Variants in CXCL3 observed in about 807,000 individuals in gnomAD.
CXCL3 encodes the protein C-X-C motif chemokine ligand 3.
In CXCL3, 10 loss-of-function variants were observed where a neutral mutation model predicts 11.5. The ratio of observed to expected loss-of-function variants is 0.87; its 90% CI spans 0.54 to 1.48. CXCL3 has a LOEUF of 1.48. Among genes scored for constraint, CXCL3 ranks in the 40% most tolerant of loss-of-function variants. CXCL3 has a pLI of 0.00. For synonymous variants in CXCL3, 61 were observed against 60.9 expected, an observed-to-expected ratio of 1.00 and a Z score of -0.01; for missense variants, 149 against 139.1, an observed-to-expected ratio of 1.07 and a Z score of -0.36.
At chr4:74,037,554 G>A in intron 3 of CXCL3, 1 of 460,036 alleles carries the variant, frequency 2.2e-6, no homozygotes, top group Non-Finnish European at 3.9e-6. Context: ...GGTTAGAAAT[G>A]TCCATTCATG....
At chr4:74,037,433 T>G (rs537697964) in intron 3 of CXCL3, 156 bp from the exon 4 acceptor site, 2 of 580,072 alleles carry the variant, frequency 3.4e-6, no homozygotes, top group East Asian at 3.2e-5. Flanking sequence ...AGCAGAAAAC[T>G]TGCACTCCTG....
intron 3 of CXCL3, chr4:74,037,820 A>G (rs937132739): frequency 9.9e-6 from 4 of 405,740 alleles, no homozygotes; most frequent in Non-Finnish European, 1.8e-5. Context: ...GCATTTTGGC[A>G]TTGTTAGTCA....
intron 3 of CXCL3, 174 bp downstream of exon 3, chr4:74,037,918 TG>T: frequency 1.5e-6 from 1 of 675,968 alleles, no homozygotes; most frequent in Non-Finnish European, 2.5e-6. Context: ...AAATATCCTC[TG>T]GCACCAGAGC....
intron 2 of CXCL3, 49 bp from the exon 3 acceptor site, chr4:74,038,225 G>A (rs1720039160): frequency 6.2e-7 from 1 of 1,614,036 alleles, no homozygotes. Context: ...GCTGGGGACA[G>A]GGTTGGGGCA....
intron 3 of CXCL3, 68 bp downstream of exon 3, chr4:74,038,025 A>G: frequency 2.0e-6 from 3 of 1,492,456 alleles, no homozygotes; most frequent in Admixed American, 1.9e-5. Context: ...TTTTATTTTT[A>G]GGGGGCAGAT....
In CXCL3 at chr4:74,037,286, A is replaced by C; in HGVS notation, c.309-9T>G. The C allele has an allele frequency of 6.2e-7, 1 of 1,613,996 alleles. No individual in the cohort carries two copies. The highest frequency in any genetic ancestry group is 8.5e-7 in the Non-Finnish European group (1 of 1,179,944). The stretch of plus-strand genomic sequence containing the variant: ...GTCAGTTGGTGCTCCCCCTGTGATG[A>C]GAAAAGGGTTACTGTTGCAGGTGCT... On this transcript the variant is annotated splice_polypyrimidine_tract_variant and intron_variant, in intron 3 of 3. Coordinates refer to ENST00000296026, the MANE Select transcript of CXCL3 (RefSeq NM_002090.3).
Position 74,038,087 on chromosome 4 carries a change from A to G in CXCL3, c.308+6T>C. 6.2e-7 allele frequency: 1 copy of G among 1,613,834 alleles called. No homozygotes were observed. Among genetic ancestry groups the G allele is most frequent in the Non-Finnish European group, 8.5e-7 (1 of 1,179,866 alleles). On this transcript the variant is annotated splice_donor_region_variant and intron_variant, in intron 3 of 3. Coordinates refer to ENST00000296026, the MANE Select transcript of CXCL3 (RefSeq NM_002090.3). The stretch of plus-strand genomic sequence containing the variant: ...GTCGCCTGTGTATATGGAAATTACA[A>G]CTCACTTGTTCAGTATCTTTTCGAT...
rs768409602 is a variant in CXCL3, at chr4:74,038,304, G to C, written c.210C>G (p.Ala70=). 1.2e-6 allele frequency: 2 copies of C among 1,614,016 alleles called. No homozygotes were observed. Among genetic ancestry groups the C allele is most frequent in the Non-Finnish European group, 1.7e-6 (2 of 1,179,976 alleles). ...GCGGGACTTACATGACTTCGGTTTGGGCGCAGTGGGGTCCGGGGGACCTTA... is the reference window on the plus strand; with the variant it reads ...GCGGGACTTACATGACTTCGGTTTGCGCGCAGTGGGGTCCGGGGGACCTTA... The part of the protein sequence containing the change: ...VNVRSPGPHC[A]QTEVIATLKN... The change falls in exon 2 of 4, where the codon GCC becomes GCG. Residue 70 remains alanine (A), a synonymous_variant. Transcript: ENST00000296026.
In CXCL3 at chr4:74,037,044, C is replaced by A; in HGVS notation, c.*218G>T. 1 of 506,620 alleles carries A rather than the reference C, an allele frequency of 2.0e-6. No individual in the cohort carries two copies. The highest frequency in any genetic ancestry group is 3.5e-6 in the Non-Finnish European group (1 of 283,006). 31.4% of individuals were successfully genotyped at this position (506,620 alleles called of 1,614,324 possible). A position where few individuals can be genotyped will look rare whatever the true frequency, so the allele number is the denominator to read the frequency against. ...TATGTTTGATGAAACACACTCACAT[C>A]TTTAAATAACAGCATGTAAAATATT... On this transcript the variant is annotated 3_prime_UTR_variant, in exon 4 of 4. Transcript: ENST00000296026.
At chr4:74,037,377 C>T in intron 3 of CXCL3, 100 bp from the exon 4 acceptor site, 3 of 1,406,550 alleles carry the variant, frequency 2.1e-6, no homozygotes, top group Non-Finnish European at 3.0e-6. Flanking sequence ...GACTCTCTCC[C>T]AGCCCTCCAC....
intron 3 of CXCL3, 191 bp from the exon 4 acceptor site, chr4:74,037,468 A>G (rs1172004953): frequency 1.7e-6 from 1 of 575,992 alleles, no homozygotes; most frequent in Non-Finnish European, 3.0e-6. Context: ...TTTTTTCAAG[A>G]AAGAAGTGGC....
Position 74,038,405 on chromosome 4 carries a change from C to T in CXCL3, c.109G>A (p.Val37Met), listed in dbSNP as rs200553995. Residue 37 changes from valine to methionine, a missense_variant, in exon 2 of 4, where the codon GTG (valine) becomes ATG (methionine). By Grantham distance (21) the Val-to-Met change is conservative. Transcript: ENST00000296026. Reference sequence around the variant, plus strand: ...CACTGGCAGCGCAGTTCAGTGACCACGGACGCTCCTAGGGAAGAATAGACT... The same window carrying T: ...CACTGGCAGCGCAGTTCAGTGACCATGGACGCTCCTAGGGAAGAATAGACT... ...AASRRAAGAS[V>M]VTELRCQCLQ... 11 of 1,613,928 alleles carry T rather than the reference C, an allele frequency of 6.8e-6. No homozygotes were observed. The highest frequency in any genetic ancestry group is 2.7e-5 in the African/African-American group (2 of 74,932).
rs184786355 is a variant in CXCL3, at chr4:74,037,847, T to C, written c.308+246A>G. 2.8e-4 allele frequency: 133 copies of C among 477,274 alleles called. 1 individual carries two copies. The highest frequency in any genetic ancestry group is 2.4e-3 in the Middle Eastern group (4 of 1,702). 29.6% of individuals were successfully genotyped at this position (477,274 alleles called of 1,614,324 possible). ...TGTTAGTCAAATTTACTTAGTATTC[T>C]AGAAACCCACATTTACCCTCCCAGG... On this transcript the variant is annotated intron_variant, in intron 3 of 3. Transcript: ENST00000296026.
intron 3 of CXCL3, chr4:74,037,705 T>C (rs1720026840): frequency 3.3e-6 from 1 of 306,610 alleles, no homozygotes; most frequent in African/African-American, 2.2e-5. Flanking sequence ...GTTTCTGCTC[T>C]TCACCAAGAA....
chr4:74,037,014 T>C lies in CXCL3; in HGVS notation c.*248A>G. 1 of 430,822 alleles carries C rather than the reference T, an allele frequency of 2.3e-6. No individual in the cohort carries two copies. Among genetic ancestry groups the C allele is most frequent in the Non-Finnish European group, 4.2e-6 (1 of 236,738 alleles). The allele number at this position is 430,822 out of a possible 1,614,324, so 26.7% of individuals were successfully genotyped here. ...CATATTCCAATTAAATAATCAGGAC[T>C]GAGCTATGTTTGATGAAACACACTC... On this transcript the variant is annotated 3_prime_UTR_variant, in exon 4 of 4. Coordinates refer to ENST00000296026, the MANE Select transcript of CXCL3 (RefSeq NM_002090.3).
chr4:74,037,340 AG>A, intron 3 of CXCL3, 63 bp from the exon 4 acceptor site: 5 of 1,603,628 alleles, frequency 3.1e-6, no homozygotes, highest in Non-Finnish European at 4.3e-6. Flanking sequence ...GTCACTCTGA[AG>A]TTGCTTGGAG....
Position 74,037,927 on chromosome 4 carries a change from A to G in CXCL3, c.308+166T>C, listed in dbSNP as rs1720031649. 1.5e-5 allele frequency: 11 copies of G among 713,676 alleles called. No individual in the cohort carries two copies. In the South Asian group the frequency reaches 2.0e-4, roughly 13 times the overall value. The allele number at this position is 713,676 out of a possible 1,614,324, so 44.2% of individuals were successfully genotyped here. A position where few individuals can be genotyped will look rare whatever the true frequency, so the allele number is the denominator to read the frequency against. On this transcript the variant is annotated intron_variant, in intron 3 of 3. Transcript: ENST00000296026. Reference sequence around the variant, plus strand: ...ATACTGAAATATCCTCTGGCACCAGAGCAGATTAATAACCTTAATGGCAAC... The same window carrying G: ...ATACTGAAATATCCTCTGGCACCAGGGCAGATTAATAACCTTAATGGCAAC...
intron 3 of CXCL3, chr4:74,037,518 C>T (rs964471581): frequency 5.1e-5 from 26 of 513,774 alleles, no homozygotes; most frequent in Non-Finnish European, 7.9e-5. Context: ...AAAGCCAAAA[C>T]ATATTGGTCA....
At chr4:74,037,967 T>A in intron 3 of CXCL3, 126 bp downstream of exon 3, 1 of 1,003,426 alleles carries the variant, frequency 1.0e-6, no homozygotes, top group Non-Finnish European at 1.5e-6. Flanking sequence ...ATTGTGAAAA[T>A]AATAATCACA....
Sources: allele counts gnomAD v4.1 joint callset, GRCh38; gene constraint gnomAD v4.1.1; transcripts MANE v1.5; gene names NCBI Gene and HGNC (gene_info 2026-07-23, HGNC 2026-07-21).